Variants in RAPGEF5 observed in about 807,000 individuals in gnomAD.
The protein encoded by RAPGEF5 is M-Ras-regulated GEF.
Under a neutral mutation model 125.2 loss-of-function variants are expected in RAPGEF5, and 65 were observed. The observed-to-expected ratio is 0.52, with a 90% CI of 0.43 to 0.64. RAPGEF5 has a LOEUF of 0.64. Among genes scored for constraint, RAPGEF5 ranks in the 30% least tolerant of loss-of-function variants. The pLI is 0.00. For synonymous variants in RAPGEF5, 391 were observed against 385.9 expected (o/e 1.01, Z -0.16); for missense variants, 958 against 1,048.1 (o/e 0.91, Z 1.19).
chr7:22,240,881 A>G (rs932964257), intron 7 of RAPGEF5, among the ~76,000 whole-genome samples: 1 of 152,220 alleles, frequency 6.6e-6, no homozygotes, highest in African/African-American at 2.4e-5. Flanking sequence ...TATTTCAGCC[A>G]GCAAAAGAAA....
chr7:22,308,329 A>T lies in RAPGEF5; in HGVS notation c.680+10T>A. On this transcript the variant is annotated intron_variant, in intron 5 of 25. Coordinates refer to ENST00000665637, the MANE Select transcript of RAPGEF5 (RefSeq NM_012294.5). ...TAAGAATACAATGGCACAAGAGAGC[A>T]TCTACTTACAGTTCACAGATGCCAC... The T allele has an allele frequency of 6.3e-7, 1 of 1,576,808 alleles. No individual in the cohort carries two copies. The highest frequency in any genetic ancestry group is 8.6e-7 in the Non-Finnish European group (1 of 1,159,926).
At chr7:22,222,486 G>A (rs900541667) in intron 8 of RAPGEF5, among the ~76,000 whole-genome samples, 1 of 152,182 alleles carries the variant, frequency 6.6e-6, no homozygotes, top group African/African-American at 2.4e-5. Flanking sequence ...AAGGAAGTGT[G>A]TTTCGGGCAG....
intron 6 of RAPGEF5, among the ~76,000 whole-genome samples, chr7:22,288,921 TC>T (rs1782865798): frequency 6.6e-6 from 1 of 152,240 alleles, no homozygotes; most frequent in Non-Finnish European, 1.5e-5. Context: ...AAAAAATCTT[TC>T]ATTTTTCTTA....
At chr7:22,277,018 C>T (rs1315180216) in intron 6 of RAPGEF5, among the ~76,000 whole-genome samples, 2 of 152,164 alleles carry the variant, frequency 1.3e-5, no homozygotes, top group African/African-American at 4.8e-5. Flanking sequence ...GTATTTCCTC[C>T]ATTTATTATA....
intron 1 of RAPGEF5, among the ~76,000 whole-genome samples, chr7:22,323,522 C>A (rs1313426758): frequency 2.0e-5 from 3 of 152,150 alleles, no homozygotes; most frequent in Non-Finnish European, 2.9e-5. Context: ...CAATATGGGC[C>A]TCCCTGGTTA....
chr7:22,134,733 C>T (rs1313842155), intron 23 of RAPGEF5, among the ~76,000 whole-genome samples: 1 of 152,176 alleles, frequency 6.6e-6, no homozygotes, highest in Non-Finnish European at 1.5e-5. Context: ...CCACCTCCCA[C>T]CCTCTAATTG....
intron 20 of RAPGEF5, among the ~76,000 whole-genome samples, chr7:22,143,974 G>A (rs1272348256): frequency 3.3e-5 from 5 of 152,204 alleles, no homozygotes; most frequent in Non-Finnish European, 7.3e-5. Flanking sequence ...GCACTGACAT[G>A]TACTTGAAAA....
chr7:22,297,675 T>C (rs1046441612), intron 5 of RAPGEF5, among the ~76,000 whole-genome samples: 4 of 152,218 alleles, frequency 2.6e-5, no homozygotes, highest in African/African-American at 9.6e-5. Context: ...GAAGTATTAA[T>C]CCTGTGATTT....
chr7:22,335,132 G>A (rs1282177752), intron 1 of RAPGEF5, among the ~76,000 whole-genome samples: 5 of 152,196 alleles, frequency 3.3e-5, no homozygotes, highest in Non-Finnish European at 5.9e-5. Context: ...ATAGGCAGGG[G>A]CATGCATGTT....
chr7:22,202,959 C>T, intron 9 of RAPGEF5: 1 of 315,370 alleles, frequency 3.2e-6, no homozygotes, highest in Non-Finnish European at 6.4e-6. Context: ...AACTGTATGC[C>T]ATCCAAGTAT....
chr7:22,247,276 C>T (rs1232034896), intron 7 of RAPGEF5, among the ~76,000 whole-genome samples: 1 of 152,154 alleles, frequency 6.6e-6, no homozygotes, highest in African/African-American at 2.4e-5. Flanking sequence ...GACACATGCA[C>T]TCATATGTTT....
chr7:22,257,335 T>C (rs140250488), intron 7 of RAPGEF5, among the ~76,000 whole-genome samples: 44 of 152,358 alleles, frequency 2.9e-4, no homozygotes, highest in African/African-American at 1.1e-3. Context: ...GCTGGAACTC[T>C]ACTTAATTAA....
intron 1 of RAPGEF5, among the ~76,000 whole-genome samples, chr7:22,330,710 G>A (rs1010825103): frequency 2.6e-5 from 4 of 152,138 alleles, no homozygotes; most frequent in Non-Finnish European, 4.4e-5. Context: ...GGAGTCCCCC[G>A]TATTTAGATT....
intron 1 of RAPGEF5, among the ~76,000 whole-genome samples, chr7:22,337,740 G>T (rs941233973): frequency 4.6e-5 from 7 of 152,320 alleles, no homozygotes; most frequent in South Asian, 2.1e-4. Context: ...CTTTCAGTGG[G>T]ACCATGTCCA....
chr7:22,244,274 T>C (rs1786418263), intron 7 of RAPGEF5, among the ~76,000 whole-genome samples: 1 of 152,108 alleles, frequency 6.6e-6, no homozygotes, highest in Non-Finnish European at 1.5e-5. Context: ...GTTGATTCCA[T>C]ATCTCAGCAA....
At chr7:22,254,228 G>A (rs541005021) in intron 7 of RAPGEF5, among the ~76,000 whole-genome samples, 9 of 151,026 alleles carry the variant, frequency 6.0e-5, no homozygotes, top group Non-Finnish European at 1.2e-4. Context: ...AAACCTCTAA[G>A]TTTTCCAAAA....
rs10248958 is a variant in RAPGEF5, at chr7:22,184,695, C to T, written c.1204+8672G>A. Among the ~76,000 whole-genome samples, 798 of 152,296 alleles carry T rather than the reference C, an allele frequency of 5.2e-3. 7 individuals carry two copies. Among genetic ancestry groups the T allele is most frequent in the African/African-American group, 0.018 (766 of 41,556 alleles). On this transcript the variant is annotated intron_variant, in intron 11 of 25. Coordinates refer to ENST00000665637, the MANE Select transcript of RAPGEF5 (RefSeq NM_012294.5). ...TATGCTTCAGCTGGGTCTCACTTCACTTCACCTTGCTTCATTAACAACAAG... is the reference window on the plus strand; with the variant it reads ...TATGCTTCAGCTGGGTCTCACTTCATTTCACCTTGCTTCATTAACAACAAG...
At chr7:22,331,335 T>C (rs769126900) in intron 1 of RAPGEF5, among the ~76,000 whole-genome samples, 9 of 152,208 alleles carry the variant, frequency 5.9e-5, no homozygotes, top group Non-Finnish European at 1.2e-4. Context: ...ATTTCTTTTT[T>C]CTAAGATATG....
chr7:22,284,669 G>A (rs1164578951), intron 6 of RAPGEF5, among the ~76,000 whole-genome samples: 1 of 152,130 alleles, frequency 6.6e-6, no homozygotes, highest in Non-Finnish European at 1.5e-5. Flanking sequence ...GTGGCAGCCA[G>A]AAAGAAGGCT....
Sources: gnomAD v4.1 joint callset for allele counts (sites outside exome capture counted in the v4.1 genomes callset) on GRCh38, gnomAD v4.1.1 for gene constraint, MANE v1.5 for transcripts, NCBI Gene and HGNC (gene_info 2026-07-23, HGNC 2026-07-21) for gene names.